Variants in CACNA1D observed in about 807,000 individuals in gnomAD.
CACNA1D encodes the protein calcium voltage-gated channel subunit alpha1 D.
Under a neutral mutation model 257.1 loss-of-function variants are expected in CACNA1D, and 55 were observed. That is an observed-to-expected ratio of 0.21 (90% CI 0.17 to 0.27). The LOEUF is 0.27. Ranked by LOEUF, CACNA1D falls within the 10% of genes least tolerant of loss-of-function variation. The pLI, the probability that CACNA1D is intolerant of heterozygous loss-of-function variation, is 1.00. For synonymous variants in CACNA1D, 980 were observed against 1,014.9 expected, an observed-to-expected ratio of 0.97 and a Z score of 0.65; for missense variants, 1,876 against 2,784.0, an observed-to-expected ratio of 0.67 and a Z score of 7.34.
intron 3 of CACNA1D, among the ~76,000 whole-genome samples, chr3:53,619,319 G>GA (rs1313757456): frequency 6.6e-6 from 1 of 152,190 alleles, no homozygotes; most frequent in Non-Finnish European, 1.5e-5. Context: ...ATTAGTCATG[G>GA]AAAAATCCCC....
At chr3:53,591,324 C>G (rs2093301403) in intron 3 of CACNA1D, among the ~76,000 whole-genome samples, 3 of 152,188 alleles carry the variant, frequency 2.0e-5, no homozygotes, top group Admixed American at 2.0e-4. Context: ...ATGACCTTGG[C>G]TCACTGTGAC....
At chr3:53,791,230 C>A in intron 40 of CACNA1D, 1 of 553,912 alleles carries the variant, frequency 1.8e-6, no homozygotes, top group South Asian at 2.4e-5. Context: ...GGCTGCCTGT[C>A]GCGGACGTTG....
chr3:53,779,407 ATGTGTG>A (rs139851282), intron 37 of CACNA1D, among the ~76,000 whole-genome samples: 1 of 150,364 alleles, frequency 6.7e-6, no homozygotes, highest in Non-Finnish European at 1.5e-5. Flanking sequence ...ATATGTATGT[ATGTGTG>A]TGTGTGTGTG....
At chr3:53,796,963 T>A (rs1559704055) in intron 40 of CACNA1D, among the ~76,000 whole-genome samples, 1 of 152,246 alleles carries the variant, frequency 6.6e-6, no homozygotes, top group Non-Finnish European at 1.5e-5. Flanking sequence ...GTTTAAGTGC[T>A]AATGACCACT....
chr3:53,799,793 C>T (rs1365821997), intron 40 of CACNA1D: 1 of 252,574 alleles, frequency 4.0e-6, no homozygotes, highest in Non-Finnish European at 7.8e-6. Flanking sequence ...GCACCTACAC[C>T]TAGGCTTCCT....
intron 3 of CACNA1D, among the ~76,000 whole-genome samples, chr3:53,596,704 A>G (rs535100518): frequency 6.6e-6 from 1 of 152,326 alleles, no homozygotes; most frequent in South Asian, 2.1e-4. Context: ...GCAAGGAAAC[A>G]GGTTCAGCCC....
At chr3:53,730,964 C>G (rs1436020965) in intron 16 of CACNA1D, 113 bp from the exon 17 acceptor site, 9 of 727,050 alleles carry the variant, frequency 1.2e-5, no homozygotes, top group Non-Finnish European at 1.9e-5. Flanking sequence ...AGTGTTGTTT[C>G]TAATTAAATT....
intron 5 of CACNA1D, among the ~76,000 whole-genome samples, chr3:53,661,647 G>A (rs1265625744): frequency 6.6e-6 from 1 of 152,184 alleles, no homozygotes; most frequent in African/African-American, 2.4e-5. Flanking sequence ...GCCTGTCTAT[G>A]GTATGTGTTG....
At chr3:53,733,825 G>A (rs755146034) in intron 19 of CACNA1D, among the ~76,000 whole-genome samples, 10 of 151,590 alleles carry the variant, frequency 6.6e-5, no homozygotes, top group Non-Finnish European at 1.2e-4. Context: ...ATGAAGATGT[G>A]ATGGTAGCTT....
intron 3 of CACNA1D, among the ~76,000 whole-genome samples, chr3:53,609,052 T>A (rs1411912269): frequency 6.6e-6 from 1 of 152,206 alleles, no homozygotes; most frequent in Admixed American, 6.5e-5. Context: ...CCTTAAATGT[T>A]TGACAGAATT....
At chr3:53,659,002 G>A (rs914011932) in intron 4 of CACNA1D, among the ~76,000 whole-genome samples, 4 of 152,194 alleles carry the variant, frequency 2.6e-5, no homozygotes, top group Admixed American at 6.5e-5. Context: ...CCAGAGGCAC[G>A]CCAGTGGGGG....
intron 3 of CACNA1D, among the ~76,000 whole-genome samples, chr3:53,526,017 A>G (rs2091750286): frequency 1.3e-5 from 2 of 152,240 alleles, no homozygotes; most frequent in East Asian, 1.9e-4. Flanking sequence ...TTGTAATTGC[A>G]GGATGGCTGC....
At chr3:53,775,363 G>T (rs2095391158) in intron 34 of CACNA1D, among the ~76,000 whole-genome samples, 1 of 152,170 alleles carries the variant, frequency 6.6e-6, no homozygotes, top group East Asian at 1.9e-4. Flanking sequence ...GATCGCTTGA[G>T]CCCAGGAGTT....
intron 3 of CACNA1D, among the ~76,000 whole-genome samples, chr3:53,598,790 G>A (rs1469948253): frequency 6.6e-6 from 1 of 152,178 alleles, no homozygotes; most frequent in Admixed American, 6.5e-5. Flanking sequence ...TGGAGGCTGG[G>A]CCATAGCTGG....
intron 3 of CACNA1D, among the ~76,000 whole-genome samples, chr3:53,578,533 C>T (rs908329493): frequency 2.6e-5 from 4 of 152,088 alleles, no homozygotes; most frequent in Non-Finnish European, 4.4e-5. Context: ...GAGGAGGCAG[C>T]CTTCATCTTT....
chr3:53,669,156 A>G (rs2094298525), intron 7 of CACNA1D, among the ~76,000 whole-genome samples: 1 of 152,184 alleles, frequency 6.6e-6, no homozygotes, highest in African/African-American at 2.4e-5. Context: ...GTTTTTAATT[A>G]CCTGTTGATT....
At chr3:53,808,100 C>G in intron 45 of CACNA1D, 1 of 164,164 alleles carries the variant, frequency 6.1e-6, no homozygotes. Flanking sequence ...TGACTCGGAT[C>G]AGTTGCCCTA....
At chr3:53,624,974 G>A (rs571631312) in intron 3 of CACNA1D, among the ~76,000 whole-genome samples, 6 of 152,232 alleles carry the variant, frequency 3.9e-5, no homozygotes, top group Non-Finnish European at 8.8e-5. Flanking sequence ...AAGGGTTGGA[G>A]AGGGGATGAA....
chr3:53,614,141 A>AAAG (rs2093612212), intron 3 of CACNA1D, among the ~76,000 whole-genome samples: 1 of 151,654 alleles, frequency 6.6e-6, no homozygotes, highest in African/African-American at 2.4e-5. Context: ...AAAAAAAAAA[A>AAAG]AAGAGAGACA....
Sources: allele counts gnomAD v4.1 joint callset (sites outside exome capture counted in the v4.1 genomes callset), GRCh38; gene constraint gnomAD v4.1.1; transcripts MANE v1.5; gene names NCBI Gene and HGNC (gene_info 2026-07-23, HGNC 2026-07-21).